Variants in ZNF469 observed in about 807,000 individuals in gnomAD.
ZNF469 encodes the protein zinc finger protein 469.
A neutral mutation model predicts 1.0 loss-of-function variants in ZNF469; 1 was observed. The ratio of observed to expected loss-of-function variants is 1.00; its 90% CI spans 0.35 to 4.73. The LOEUF is 4.73. ZNF469 is among the 30% of genes most tolerant of loss of function. ZNF469 has a pLI of 0.16. For missense variants in ZNF469, 6,100 were observed against 5,356.3 expected (o/e 1.14, Z -4.33); for synonymous variants, 2,703 against 2,363.4 (o/e 1.14, Z -4.17).
chr16:88,201,465 G>A, the ZNF469 span, among the ~76,000 whole-genome samples: 1 of 152,132 alleles, frequency 6.6e-6, no homozygotes, highest in Admixed American at 6.5e-5. The surrounding 1 kb of genome is among the most constrained non-coding windows in gnomAD (Gnocchi z 5.0). Context: ...TAAGGCAGGA[G>A]AATCATTTGA....
chr16:88,324,761 T>C, the ZNF469 span, among the ~76,000 whole-genome samples: 1 of 152,226 alleles, frequency 6.6e-6, no homozygotes, highest in Non-Finnish European at 1.5e-5. Flanking sequence ...CCATTGCGTT[T>C]GTAAACTGTC....
chr16:88,270,339 G>T, the ZNF469 span, among the ~76,000 whole-genome samples: 1 of 152,222 alleles, frequency 6.6e-6, no homozygotes, highest in Non-Finnish European at 1.5e-5. Flanking sequence ...TCACAAACCA[G>T]CTGGGCCTTT....
the ZNF469 span, among the ~76,000 whole-genome samples, chr16:88,148,865 G>T: frequency 6.6e-6 from 1 of 152,172 alleles, no homozygotes; most frequent in Admixed American, 6.5e-5. Context: ...GACCTCTTGT[G>T]CCGGGGGGTT....
At chr16:88,319,756 G>A in the ZNF469 span, among the ~76,000 whole-genome samples, 21 of 152,344 alleles carry the variant, frequency 1.4e-4, no homozygotes, top group South Asian at 3.5e-3. Flanking sequence ...GTCAGGAGCC[G>A]GCCCCCAGGC....
the ZNF469 span, among the ~76,000 whole-genome samples, chr16:88,233,625 T>C: frequency 6.6e-6 from 1 of 152,206 alleles, no homozygotes; most frequent in Non-Finnish European, 1.5e-5. Context: ...TAGGGCCGCC[T>C]GGGCATGAAA....
chr16:88,296,650 GCA>G, the ZNF469 span, among the ~76,000 whole-genome samples: 8 of 151,474 alleles, frequency 5.3e-5, no homozygotes, highest in South Asian at 2.1e-4. Context: ...ATACACACAT[GCA>G]CAGACATGCT....
chr16:88,108,403 T>C, the ZNF469 span, among the ~76,000 whole-genome samples: 1 of 152,190 alleles, frequency 6.6e-6, no homozygotes, highest in Admixed American at 6.5e-5. Context: ...GATTCAGTGG[T>C]CACACCCGAC....
At position 88,430,867 on chromosome 16, in the gene ZNF469, G is replaced by A. The variant is rs1023941815; in HGVS notation, c.3397G>A (p.Asp1133Asn). The A allele has an allele frequency of 4.6e-6, 7 of 1,537,124 alleles. No homozygotes were observed. The highest frequency in any genetic ancestry group is 1.4e-5 in the African/African-American group (1 of 72,954). Residue 1133 changes from aspartate to asparagine, a missense_variant, in exon 3 of 3, where the codon GAT becomes AAT. Coordinates refer to ENST00000565624, the MANE Select transcript of ZNF469 (RefSeq NM_001367624.2). ...EVELTQGPRE[D>N]EPQKPRKAAR... ...GGAGCTGACCCAGGGTCCCAGAGAG[G>A]ATGAGCCACAGAAACCCCGGAAGGC...
the ZNF469 span, among the ~76,000 whole-genome samples, chr16:88,227,859 C>T: frequency 6.6e-5 from 10 of 152,316 alleles, no homozygotes; most frequent in South Asian, 2.1e-4. Context: ...CGGCGTTCCC[C>T]GGCACGCAGG....
chr16:88,223,373 T>C, the ZNF469 span, among the ~76,000 whole-genome samples: 1 of 152,222 alleles, frequency 6.6e-6, no homozygotes, highest in African/African-American at 2.4e-5. Context: ...CCCAGACACA[T>C]GGAACTGTGA....
chr16:88,279,791 CACGCT>C, the ZNF469 span, among the ~76,000 whole-genome samples: 1 of 149,228 alleles, frequency 6.7e-6, no homozygotes. Flanking sequence ...AGTGCTGTGC[CACGCT>C]GACACTCGGT....
At chr16:88,355,407 T>A in the ZNF469 span, among the ~76,000 whole-genome samples, 1 of 152,080 alleles carries the variant, frequency 6.6e-6, no homozygotes, top group African/African-American at 2.4e-5. Context: ...CCCGCCACCA[T>A]GGCGCTCACG....
At chr16:88,212,174 C>T in the ZNF469 span, among the ~76,000 whole-genome samples, 4 of 152,130 alleles carry the variant, frequency 2.6e-5, no homozygotes, top group African/African-American at 9.6e-5. Context: ...GGATTTCTTT[C>T]TTTATATGTA....
At chr16:88,107,512 A>G in the ZNF469 span, among the ~76,000 whole-genome samples, 1 of 152,196 alleles carries the variant, frequency 6.6e-6, no homozygotes, top group African/African-American at 2.4e-5. Flanking sequence ...TCCACACGTG[A>G]GGATCATGGG....
At chr16:88,172,774 G>A in the ZNF469 span, among the ~76,000 whole-genome samples, 8 of 152,208 alleles carry the variant, frequency 5.3e-5, no homozygotes, top group East Asian at 1.5e-3. Context: ...GCATATAAAA[G>A]GTCACAAGCG....
the ZNF469 span, among the ~76,000 whole-genome samples, chr16:88,248,148 G>A: frequency 3.9e-5 from 6 of 152,096 alleles, no homozygotes; most frequent in Admixed American, 3.9e-4. Flanking sequence ...CAACCAGTGG[G>A]ATACACAAGG....
the ZNF469 span, among the ~76,000 whole-genome samples, chr16:88,202,485 T>TGCGCCCCTGAGGTGTCTGCG: frequency 6.6e-6 from 1 of 152,134 alleles, no homozygotes; most frequent in Admixed American, 6.5e-5. Flanking sequence ...ACCTCTCAGG[T>TGCGCCCCTGAGGTGTCTGCG]GCGCCCCTGA....
chr16:88,199,436 G>C, the ZNF469 span, among the ~76,000 whole-genome samples: 1 of 152,234 alleles, frequency 6.6e-6, no homozygotes, highest in Non-Finnish European at 1.5e-5. Context: ...GGTCTTCAGG[G>C]GTGGGAGCAG....
chr16:88,432,381 G>C lies in ZNF469; in HGVS notation c.4911G>C (p.Arg1637=). The part of the protein sequence containing the change: ...LTRVGESTAH[R]EGAESAVATV... The stretch of plus-strand genomic sequence containing the variant: ...GCGTTGGAGAATCCACTGCACATCG[G>C]GAGGGTGCGGAATCGGCTGTGGCCA... The change falls in exon 3 of 3, where the codon CGG becomes CGC. Residue 1637 remains arginine, a synonymous_variant. Coordinates refer to ENST00000565624, the MANE Select transcript of ZNF469 (RefSeq NM_001367624.2). 6.5e-7 allele frequency: 1 copy of C among 1,549,268 alleles called. No individual in the cohort carries two copies. The highest frequency in any genetic ancestry group is 1.2e-5 in the South Asian group (1 of 84,048).
Sources: allele counts gnomAD v4.1 joint callset (sites outside exome capture counted in the v4.1 genomes callset), GRCh38; gene constraint gnomAD v4.1.1; non-coding constraint Gnocchi (gnomAD v3.1); transcripts MANE v1.5; gene names NCBI Gene and HGNC (gene_info 2026-07-23, HGNC 2026-07-21).